PRR30: variants seen among roughly 807,000 people sequenced by gnomAD.
The protein encoded by PRR30 is proline rich 30.
For synonymous variants in PRR30, 229 were observed against 222.7 expected, an observed-to-expected ratio of 1.03 and a Z score of -0.25; for missense variants, 546 against 525.3, an observed-to-expected ratio of 1.04 and a Z score of -0.39.
In PRR30 at chr2:27,137,446, C is replaced by T; in HGVS notation, c.884G>A (p.Gly295Asp). The T allele has an allele frequency of 6.2e-7, 1 of 1,612,642 alleles. No homozygotes were observed. ...QGQESGPLRI[G>D]IGFGLRLPQG... ...AGGCAGGCGGAGGCCGAAGCCGATG[C>T]CTATCCGGAGTGGCCCAGATTCCTG... The change falls in exon 3 of 3, where the codon GGC (glycine) becomes GAC (aspartate). Residue 295 changes from glycine (G) to aspartate (D), a missense_variant. Gly to Asp is a moderately conservative substitution (Grantham distance 94). Transcript: ENST00000335524. This position sits in a 1 kb window ranked among gnomAD's most constrained non-coding sequence, Gnocchi z 4.3.
chr2:27,137,999 A>T lies in PRR30; in HGVS notation c.331T>A (p.Ser111Thr). The T allele has an allele frequency of 6.2e-7, 1 of 1,612,592 alleles. No individual in the cohort carries two copies. Among genetic ancestry groups the T allele is most frequent in the Non-Finnish European group, 8.5e-7 (1 of 1,179,486 alleles). The part of the protein sequence containing the change: ...NYLSLPRPRA[S>T]SPSNHWLYPS... Reference sequence around the variant, plus strand: ...TACAGCCAGTGGTTGGAGGGAGAGGATGCACGTGGACGGGGGAGAGAGAGG... The same window carrying T: ...TACAGCCAGTGGTTGGAGGGAGAGGTTGCACGTGGACGGGGGAGAGAGAGG... Residue 111 changes from serine to threonine, a missense_variant, in exon 3 of 3, where the codon TCC (serine) becomes ACC (threonine). Physicochemically the swap from Ser to Thr is moderately conservative, Grantham distance 58. Transcript: ENST00000335524. The surrounding 1 kb of genome is among the most constrained non-coding windows in gnomAD (Gnocchi z 4.3).
chr2:27,137,708 G>C lies in PRR30; in HGVS notation c.622C>G (p.Pro208Ala), dbSNP rs1672540316. ...ACCAGGGCCTGGGCCAGGGCCCCTG[G>C]GTCCCTGAACTGTGCAGGATCCTTC... ...SEKDPAQFRD[P>A]GALAQALVVQ... Residue 208 changes from proline (P) to alanine (A), a missense_variant, in exon 3 of 3, where the codon CCA becomes GCA. By Grantham distance (27) the Pro-to-Ala change is conservative (BLOSUM62 -1). Transcript: ENST00000335524. The surrounding 1 kb of genome is among the most constrained non-coding windows in gnomAD (Gnocchi z 4.3). The C allele has an allele frequency of 1.2e-6, 2 of 1,613,696 alleles. No homozygotes were observed. Among genetic ancestry groups the C allele is most frequent in the Non-Finnish European group, 1.7e-6 (2 of 1,180,020 alleles).
rs1384627181 is a variant in PRR30, at chr2:27,138,199, A to C, written c.131T>G (p.Leu44Arg). 2 of 1,613,632 alleles carry C rather than the reference A, an allele frequency of 1.2e-6. No homozygotes were observed. Among genetic ancestry groups the C allele is most frequent in the East Asian group, 4.5e-5 (2 of 44,884 alleles). Residue 44 changes from leucine (L) to arginine (R), a missense_variant, in exon 3 of 3, where the codon CTC becomes CGC. Leu to Arg is a moderately radical substitution (Grantham distance 102). Coordinates refer to ENST00000335524, the MANE Select transcript of PRR30 (RefSeq NM_178553.4). ...AGAGAACGGTGGTTGAGAGGGAGGG[A>C]GGCCCTGATGGGGAGAGAGAGGCTG... The part of the protein sequence containing the change: ...NLQPLSPHQG[L>R]PPSQPPFSST...
Position 27,137,643 on chromosome 2 carries a change from C to T in PRR30, c.687G>A (p.Arg229=), listed in dbSNP as rs1672538778. ...LGHRRIAHDL[R]LLLLQHLWLG... ...GCCACAGGTGCTGCAAAAGCAGTAG[C>T]CGCAGGTCGTGTGCGATGCGGCGGT... The change falls in exon 3 of 3, where the codon CGG becomes CGA. Residue 229 remains arginine, a synonymous_variant. Transcript: ENST00000335524. The surrounding 1 kb of genome is among the most constrained non-coding windows in gnomAD (Gnocchi z 4.3). 1.2e-6 allele frequency: 2 copies of T among 1,612,796 alleles called. No homozygotes were observed. The highest frequency in any genetic ancestry group is 1.7e-6 in the Non-Finnish European group (2 of 1,179,846).
Position 27,138,548 on chromosome 2 carries a change from A to G in PRR30, c.-219T>C. 1.2e-6 allele frequency: 1 copy of G among 831,090 alleles called. No homozygotes were observed. The highest frequency in any genetic ancestry group is 2.8e-5 in the East Asian group (1 of 35,752). 51.5% of individuals were successfully genotyped at this position (831,090 alleles called of 1,614,324 possible). On this transcript the variant is annotated 5_prime_UTR_variant, in exon 3 of 3. An upstream start codon of the reference 5' UTR is lost. Coordinates refer to ENST00000335524, the MANE Select transcript of PRR30 (RefSeq NM_178553.4). ...GCTCTCAGGGTGTTCAGGCATGAGCATGAATCTAAGCTTGGCTTCTCACTT... is the reference window on the plus strand; with the variant it reads ...GCTCTCAGGGTGTTCAGGCATGAGCGTGAATCTAAGCTTGGCTTCTCACTT...
rs141290844 is a variant in PRR30 at position 27,138,180 on chromosome 2, C to T, written c.150G>A (p.Pro50=). The change falls in exon 3 of 3, where the codon CCG becomes CCA. Residue 50 remains proline (P), a synonymous_variant. Transcript: ENST00000335524. ...GACGACGGGACTGAGTGGAAGAGAA[C>T]GGTGGTTGAGAGGGAGGGAGGCCCT... is the stretch of plus-strand genomic sequence containing the variant. ...PHQGLPPSQP[P]FSSTQSRRPS... The T allele has an allele frequency of 8.7e-4, 1,403 of 1,613,518 alleles. 14 individuals carry two copies. In the African/African-American group the frequency reaches 0.017, roughly 19 times the overall value.
In PRR30 at chr2:27,137,906, G is replaced by T. The variant is rs757267683; in HGVS notation, c.424C>A (p.Pro142Thr). Residue 142 changes from proline to threonine, a missense_variant, in exon 3 of 3, where the codon CCT (proline) becomes ACT (threonine). Coordinates refer to ENST00000335524, the MANE Select transcript of PRR30 (RefSeq NM_178553.4). The surrounding 1 kb of genome is among the most constrained non-coding windows in gnomAD (Gnocchi z 4.3). The part of the protein sequence containing the change: ...QPQNSSLPHS[P>T]CQSPSHPEEL... Reference sequence around the variant, plus strand: ...TCGGGGTGGGAAGGGGACTGGCAAGGTGAGTGGGGAAGGGAGGAGTTCTGA... The same window carrying T: ...TCGGGGTGGGAAGGGGACTGGCAAGTTGAGTGGGGAAGGGAGGAGTTCTGA... 3 of 1,606,974 alleles carry T rather than the reference G, an allele frequency of 1.9e-6. No homozygotes were observed. The highest frequency in any genetic ancestry group is 1.7e-6 in the Non-Finnish European group (2 of 1,175,900).
Position 27,138,004 on chromosome 2 carries a change from C to A in PRR30, c.326G>T (p.Arg109Leu), listed in dbSNP as rs562865918. 1.9e-6 allele frequency: 3 copies of A among 1,612,028 alleles called. No homozygotes were observed. The highest frequency in any genetic ancestry group is 2.2e-5 in the South Asian group (2 of 90,944). Residue 109 changes from arginine to leucine, a missense_variant, in exon 3 of 3, where the codon CGT (arginine) becomes CTT (leucine). Transcript: ENST00000335524. ...CCAGTGGTTGGAGGGAGAGGATGCA[C>A]GTGGACGGGGGAGAGAGAGGTAGTT... ...HQNYLSLPRP[R>L]ASSPSNHWLY...
In PRR30 at chr2:27,138,696, T is replaced by C. The variant is rs985753304; in HGVS notation, c.-365-2A>G. The C allele has an allele frequency of 3.3e-5, 8 of 240,376 alleles. No individual in the cohort carries two copies. The East Asian group carries it at 7.1e-4, about 21-fold the overall frequency. 14.9% of individuals were successfully genotyped at this position (240,376 alleles called of 1,614,324 possible). ...AGAGGAAGACAAAGCCCATAGGACC[T>C]GGAGAGAAAAGAGAGAACCCAAGAC... On this transcript the variant is annotated splice_acceptor_variant, in intron 2 of 2. Transcript: ENST00000335524. LOFTEE classifies it low-confidence loss of function (5UTR_SPLICE).
chr2:27,137,956 G>C lies in PRR30; in HGVS notation c.374C>G (p.Thr125Ser). The change falls in exon 3 of 3, where the codon ACC (threonine) becomes AGC (serine). Residue 125 changes from threonine to serine, a missense_variant. By Grantham distance (58) the Thr-to-Ser change is moderately conservative. Transcript: ENST00000335524. This position sits in a 1 kb window ranked among gnomAD's most constrained non-coding sequence, Gnocchi z 4.3. ...AGGCTGGGAGGGAGAAAAGGAAGGG[G>C]TCAGAGGGGGAGAGGGGTACAGCCA... is the stretch of plus-strand genomic sequence containing the variant. ...NHWLYPSPPL[T>S]PSFSPSQPQN... 1 of 1,610,740 alleles carries C rather than the reference G, an allele frequency of 6.2e-7. No homozygotes were observed. The highest frequency in any genetic ancestry group is 8.5e-7 in the Non-Finnish European group (1 of 1,178,636).
chr2:27,137,818 G>C lies in PRR30; in HGVS notation c.512C>G (p.Ser171Cys). Residue 171 changes from serine to cysteine, a missense_variant, in exon 3 of 3, where the codon TCT becomes TGT. Transcript: ENST00000335524. This position sits in a 1 kb window ranked among gnomAD's most constrained non-coding sequence, Gnocchi z 4.3. ...GPSPPSHRLH[S>C]NRQTWRWHQY... is the part of the protein sequence containing the mutation. Reference sequence around the variant, plus strand: ...ATGCCAGCGCCATGTCTGCCTGTTAGAGTGGAGCCTATGAGAAGGTGGGCT... The same window carrying C: ...ATGCCAGCGCCATGTCTGCCTGTTACAGTGGAGCCTATGAGAAGGTGGGCT... 6.2e-7 allele frequency: 1 copy of C among 1,602,634 alleles called. No homozygotes were observed.
rs1302378784 is a variant in PRR30 at position 27,138,012 on chromosome 2, G to A, written c.318C>T (p.Pro106=). 6.2e-7 allele frequency: 1 copy of A among 1,613,580 alleles called. No homozygotes were observed. Among genetic ancestry groups the A allele is most frequent in the Non-Finnish European group, 8.5e-7 (1 of 1,179,854 alleles). The part of the protein sequence containing the change: ...TFFHQNYLSL[P]RPRASSPSNH... ...TGGAGGGAGAGGATGCACGTGGACGGGGGAGAGAGAGGTAGTTCTGGTGAA... is the reference window on the plus strand; with the variant it reads ...TGGAGGGAGAGGATGCACGTGGACGAGGGAGAGAGAGGTAGTTCTGGTGAA... The change falls in exon 3 of 3, where the codon CCC becomes CCT. Residue 106 remains proline, a synonymous_variant. Coordinates refer to ENST00000335524, the MANE Select transcript of PRR30 (RefSeq NM_178553.4).
In PRR30 at chr2:27,137,218, G is replaced by T. The variant is rs1268804368; in HGVS notation, c.1112C>A (p.Pro371Gln). ...AGGTGGAGGCCCGGAGAAACATCGT[G>T]GGGAGTTTGGTGATTGAAGGCCTGC... ...RSAGLQSPNS[P>Q]RCFSGPPPRA... The change falls in exon 3 of 3, where the codon CCA (proline) becomes CAA (glutamine). Residue 371 changes from proline (P) to glutamine (Q), a missense_variant. Pro to Gln is a moderately conservative substitution (Grantham distance 76). Coordinates refer to ENST00000335524, the MANE Select transcript of PRR30 (RefSeq NM_178553.4). The surrounding 1 kb of genome is among the most constrained non-coding windows in gnomAD (Gnocchi z 4.3). 1 of 1,614,072 alleles carries T rather than the reference G, an allele frequency of 6.2e-7. No homozygotes were observed. The highest frequency in any genetic ancestry group is 2.2e-5 in the East Asian group (1 of 44,892).
Sources: allele counts gnomAD v4.1 joint callset, GRCh38; gene constraint gnomAD v4.1.1; non-coding constraint Gnocchi (gnomAD v3.1); transcripts MANE v1.5; gene names NCBI Gene and HGNC (gene_info 2026-07-23, HGNC 2026-07-21).